The following MFN2 variants were observed in gnomAD, a reference collection of about 807,000 sequenced individuals.
MFN2 encodes mitofusin-2.
MFN2 carries 43 observed loss-of-function variants against 87.5 expected under a neutral mutation model. The ratio of observed to expected loss-of-function variants is 0.49; its 90% CI spans 0.38 to 0.63. The LOEUF is 0.63. MFN2 is among the 30% of genes least tolerant of loss of function. The pLI is 0.00. For synonymous variants in MFN2, 337 were observed against 359.9 expected (o/e 0.94, Z 0.72); for missense variants, 743 against 972.8 (o/e 0.76, Z 3.14).
Position 12,002,755 on chromosome 1 carries a change from GTT to G in MFN2, c.1160+653_1160+654del, listed in dbSNP as rs551806492. Reference sequence around the variant, plus strand: ...TGACTTTCTCAGTTGTTTATGTTAAGTTAAAATTTTAAAAAGTTCAGTTCCCT... The same window carrying G: ...TGACTTTCTCAGTTGTTTATGTTAAGAAAATTTTAAAAAGTTCAGTTCCCT... On this transcript the variant is annotated intron_variant, in intron 11 of 18. Transcript: ENST00000235329. 5.9e-5 allele frequency among the ~76,000 whole-genome samples: 9 copies of G among 152,312 alleles called. No homozygotes were observed. In the South Asian group the frequency reaches 1.7e-3, roughly 28 times the overall value.
chr1:11,995,558 A>G (rs1295043189), intron 4 of MFN2, among the ~76,000 whole-genome samples: 1 of 152,070 alleles, frequency 6.6e-6, no homozygotes, highest in Non-Finnish European at 1.5e-5. Context: ...GCTTGAACTC[A>G]GGAGGCAGAG....
chr1:12,007,318 ATC>A, intron 17 of MFN2, 69 bp downstream of exon 17: 3 of 1,558,030 alleles, frequency 1.9e-6, no homozygotes, highest in Non-Finnish European at 2.6e-6. Flanking sequence ...TCCCTTCCCC[ATC>A]TCTCTTCCCA....
intron 8 of MFN2, among the ~76,000 whole-genome samples, chr1:11,999,988 G>A (rs966285855): frequency 1.3e-5 from 2 of 151,520 alleles, no homozygotes; most frequent in Admixed American, 1.3e-4. Context: ...TCCCAGCTAC[G>A]CGGGAGGCTA....
chr1:11,991,420 C>A (rs1242395597), intron 3 of MFN2, among the ~76,000 whole-genome samples: 1 of 152,178 alleles, frequency 6.6e-6, no homozygotes, highest in Non-Finnish European at 1.5e-5. Context: ...GCAGTGCTGT[C>A]TAAGCTAGAC....
intron 8 of MFN2, among the ~76,000 whole-genome samples, chr1:12,000,003 A>G (rs972347282): frequency 1.3e-5 from 2 of 151,754 alleles, no homozygotes; most frequent in Non-Finnish European, 2.9e-5. Flanking sequence ...AGGCTAAGGC[A>G]GGAGAACGGC....
intron 2 of MFN2, among the ~76,000 whole-genome samples, chr1:11,984,627 T>C (rs1032725697): frequency 1.3e-5 from 2 of 152,232 alleles, no homozygotes; most frequent in Admixed American, 1.3e-4. Flanking sequence ...TCTGACCTTC[T>C]GCTCTCCTTC....
rs1639315414 is a variant in MFN2, at chr1:12,004,498, T to G, written c.1288-11T>G. ...CCTTGATACTTAACAGTGTGCTTCCTTTTGCTGTAGGTGTCGACTGCAATG... is the reference window on the plus strand; with the variant it reads ...CCTTGATACTTAACAGTGTGCTTCCGTTTGCTGTAGGTGTCGACTGCAATG... On this transcript the variant is annotated splice_polypyrimidine_tract_variant and intron_variant, in intron 12 of 18. Transcript: ENST00000235329. This position sits in a 1 kb window ranked among gnomAD's most constrained non-coding sequence, Gnocchi z 4.2. The G allele has an allele frequency of 1.2e-6, 2 of 1,612,518 alleles. No individual in the cohort carries two copies. Among genetic ancestry groups the G allele is most frequent in the Non-Finnish European group, 8.5e-7 (1 of 1,178,630 alleles).
chr1:11,992,705 C>G lies in MFN2; in HGVS notation c.311+15C>G. Reference sequence around the variant, plus strand: ...TTTTTTGGCCGGTAAGTCCTTGAGGCACCCACCCTTTCTTTCTTCCTGGCT... The same window carrying G: ...TTTTTTGGCCGGTAAGTCCTTGAGGGACCCACCCTTTCTTTCTTCCTGGCT... On this transcript the variant is annotated intron_variant, in intron 4 of 18. Coordinates refer to ENST00000235329, the MANE Select transcript of MFN2 (RefSeq NM_014874.4). 1 of 1,614,202 alleles carries G rather than the reference C, an allele frequency of 6.2e-7. No individual in the cohort carries two copies. Among genetic ancestry groups the G allele is most frequent in the Non-Finnish European group, 8.5e-7 (1 of 1,180,034 alleles).
At chr1:12,009,982 C>T (rs897302018) in intron 18 of MFN2, among the ~76,000 whole-genome samples, 4 of 152,146 alleles carry the variant, frequency 2.6e-5, no homozygotes, top group African/African-American at 9.7e-5. Context: ...GGTGAAACCC[C>T]GTCTCTACTA....
rs1269371479 is a variant in MFN2, at chr1:12,003,503, A to G, written c.1161-489A>G. On this transcript the variant is annotated intron_variant, in intron 11 of 18. Transcript: ENST00000235329. The surrounding 1 kb of genome is among the most constrained non-coding windows in gnomAD (Gnocchi z 4.1). ...AACACGGAGAAACCCTGTCTCTGCTAAAAATACAAAATTAGCTGGGTGTGG... is the reference window on the plus strand; with the variant it reads ...AACACGGAGAAACCCTGTCTCTGCTGAAAATACAAAATTAGCTGGGTGTGG... Among the ~76,000 whole-genome samples the G allele has an allele frequency of 6.6e-6, 1 of 152,218 alleles. No homozygotes were observed. Among genetic ancestry groups the G allele is most frequent in the Non-Finnish European group, 1.5e-5 (1 of 68,038 alleles).
rs1639722194 is a variant in MFN2, at chr1:12,012,135, C to G, written c.*570C>G. On this transcript the variant is annotated 3_prime_UTR_variant, in exon 19 of 19. Transcript: ENST00000235329. Reference sequence around the variant, plus strand: ...ACGTCTTGGTGGTGAGGCTCAGTTACCCCTGGGCTTAGGCTGAGGCGGGCC... The same window carrying G: ...ACGTCTTGGTGGTGAGGCTCAGTTAGCCCTGGGCTTAGGCTGAGGCGGGCC... 1 of 162,860 alleles carries G rather than the reference C, an allele frequency of 6.1e-6. No homozygotes were observed. Among genetic ancestry groups the G allele is most frequent in the African/African-American group, 2.4e-5 (1 of 41,752 alleles). The allele number at this position is 162,860 out of a possible 1,614,324, so 10.1% of individuals were successfully genotyped here. A position where few individuals can be genotyped will look rare whatever the true frequency, so the allele number is the denominator to read the frequency against.
Position 12,005,723 on chromosome 1 carries a change from C to A in MFN2, c.1508C>A (p.Pro503His). The change falls in exon 15 of 19, where the codon CCC becomes CAC. Residue 503 changes from proline (P) to histidine (H), a missense_variant. Around this residue, in one of 3 missense-constraint regions of MFN2, gnomAD observed 571 missense variants for 670.7 expected, o/e 0.85. Transcript: ENST00000235329. ...CTCTTCCTGACAGATGGCTTGAAAC[C>A]CCTCCTTCCTGTGTCTGTGCGGAGT... is the stretch of plus-strand genomic sequence containing the variant. The part of the protein sequence containing the change: ...MQQDMIDGLK[P>H]LLPVSVRSQI... 1 of 1,614,176 alleles carries A rather than the reference C, an allele frequency of 6.2e-7. No individual in the cohort carries two copies. The highest frequency in any genetic ancestry group is 8.5e-7 in the Non-Finnish European group (1 of 1,180,028).
chr1:12,007,996 C>T (rs896012266), intron 17 of MFN2, among the ~76,000 whole-genome samples: 1 of 152,084 alleles, frequency 6.6e-6, no homozygotes, highest in African/African-American at 2.4e-5. Flanking sequence ...ACAAAGCACA[C>T]CTTGCACCGC....
At chr1:11,989,123 G>T (rs770353647) in intron 2 of MFN2, 42 bp from the exon 3 acceptor site, 4 of 1,607,854 alleles carry the variant, frequency 2.5e-6, no homozygotes, top group Non-Finnish European at 3.4e-6. Context: ...GATGTCCCGA[G>T]GTAGGTGTTG....
chr1:11,994,978 TCA>T (rs1557520830), intron 4 of MFN2, among the ~76,000 whole-genome samples: 1 of 152,044 alleles, frequency 6.6e-6, no homozygotes, highest in Non-Finnish European at 1.5e-5. Flanking sequence ...GTGCAGTGGT[TCA>T]CACCTGTAAT....
rs966318629 is a variant in MFN2, at chr1:12,011,946, C to G, written c.*381C>G. ...GTATCACACAGACACCCCCACCTTC[C>G]TCCAGCCTGTGCGCACCTGCCCTCC... On this transcript the variant is annotated 3_prime_UTR_variant, in exon 19 of 19. Coordinates refer to ENST00000235329, the MANE Select transcript of MFN2 (RefSeq NM_014874.4). 1.7e-5 allele frequency: 5 copies of G among 294,982 alleles called. No homozygotes were observed. The highest frequency in any genetic ancestry group is 1.1e-4 in the African/African-American group (5 of 46,680). The allele number at this position is 294,982 out of a possible 1,614,324, so 18.3% of individuals were successfully genotyped here.
At chr1:11,996,007 C>T in intron 4 of MFN2, 149 bp from the exon 5 acceptor site, 2 of 935,974 alleles carry the variant, frequency 2.1e-6, no homozygotes, top group East Asian at 2.5e-5. Context: ...TTTTAATAAA[C>T]AGTGCCTACT....
rs535873818 is a variant in MFN2, at chr1:11,994,585, G to A, written c.312-1571G>A. On this transcript the variant is annotated intron_variant, in intron 4 of 18. Coordinates refer to ENST00000235329, the MANE Select transcript of MFN2 (RefSeq NM_014874.4). Reference sequence around the variant, plus strand: ...AGCCTAGGTGACGGAGTGAGACTCCGTCTCAAAAAAAAAAAATCTAATACA... The same window carrying A: ...AGCCTAGGTGACGGAGTGAGACTCCATCTCAAAAAAAAAAAATCTAATACA... Among the ~76,000 whole-genome samples the A allele has an allele frequency of 1.5e-4, 23 of 151,238 alleles. 1 individual carries two copies. Among genetic ancestry groups the A allele is most frequent in the African/African-American group, 4.1e-4 (17 of 41,178 alleles).
At chr1:12,007,587 ATC>A (rs1356400459) in intron 17 of MFN2, among the ~76,000 whole-genome samples, 1 of 152,138 alleles carries the variant, frequency 6.6e-6, no homozygotes, top group Non-Finnish European at 1.5e-5. Flanking sequence ...ACCCAGCCTG[ATC>A]TTCGTGCACA....
Sources: allele counts gnomAD v4.1 joint callset (sites outside exome capture counted in the v4.1 genomes callset), GRCh38; gene constraint gnomAD v4.1.1; regional missense constraint gnomAD v4.1.1; non-coding constraint Gnocchi (gnomAD v3.1); transcripts MANE v1.5; gene names NCBI Gene and HGNC (gene_info 2026-07-23, HGNC 2026-07-21).